Variants in CDH12 observed in about 807,000 individuals in gnomAD.
The protein encoded by CDH12 is cadherin 12, also known as cadherin-12.
In CDH12, 41 loss-of-function variants were observed where a neutral mutation model predicts 74.1. The observed-to-expected ratio is 0.55, with a 90% CI of 0.43 to 0.72. The LOEUF is 0.72. Among genes scored for constraint, CDH12 ranks in the 30% least tolerant of loss-of-function variants. The pLI is 0.00. For synonymous variants in CDH12, 399 were observed against 355.0 expected, an observed-to-expected ratio of 1.12 and a Z score of -1.39; for missense variants, 945 against 977.2, an observed-to-expected ratio of 0.97 and a Z score of 0.44.
At chr5:22,529,682 T>A (rs1737499004) in intron 1 of CDH12, among the ~76,000 whole-genome samples, 1 of 152,212 alleles carries the variant, frequency 6.6e-6, no homozygotes, top group South Asian at 2.1e-4. Context: ...CTGGGCAGCC[T>A]GTGGCCCAGT....
intron 3 of CDH12, among the ~76,000 whole-genome samples, chr5:22,366,223 C>T (rs1741025387): frequency 6.6e-6 from 1 of 152,042 alleles, no homozygotes; most frequent in Non-Finnish European, 1.5e-5. Context: ...TCCCAAAGTG[C>T]TGGGATTAAA....
At position 22,373,656 on chromosome 5, in the gene CDH12, A is replaced by G. The variant is rs1339776171; in HGVS notation, c.-333+31601T>C. ...ACTCATAAATGCTCCCTGAGCAAGC[A>G]AGGAAATAACAGATACAACTGATGC... On this transcript the variant is annotated intron_variant, in intron 3 of 14. Transcript: ENST00000382254. 3.9e-5 allele frequency among the ~76,000 whole-genome samples: 6 copies of G among 152,224 alleles called. No individual in the cohort carries two copies. In the East Asian group the frequency reaches 9.6e-4, roughly 24 times the overall value.
intron 1 of CDH12, among the ~76,000 whole-genome samples, chr5:22,838,187 A>C (rs1736918530): frequency 6.6e-6 from 1 of 152,110 alleles, no homozygotes; most frequent in Non-Finnish European, 1.5e-5. Context: ...TTAAGCACTC[A>C]TCTCTATTTC....
intron 1 of CDH12, among the ~76,000 whole-genome samples, chr5:22,604,728 G>C (rs1158938470): frequency 6.6e-6 from 1 of 152,230 alleles, no homozygotes; most frequent in African/African-American, 2.4e-5. Flanking sequence ...GGAGCCATGT[G>C]GCAGAGAGGT....
intron 2 of CDH12, among the ~76,000 whole-genome samples, chr5:22,469,720 T>A (rs1463078402): frequency 6.6e-6 from 1 of 152,154 alleles, no homozygotes; most frequent in South Asian, 2.1e-4. Context: ...GTGTATATTC[T>A]CCTGTCATAT....
intron 1 of CDH12, among the ~76,000 whole-genome samples, chr5:22,653,537 C>G (rs994883312): frequency 6.6e-6 from 1 of 152,042 alleles, no homozygotes; most frequent in African/African-American, 2.4e-5. Flanking sequence ...TCTGTTGGCT[C>G]TACCTTTATA....
At chr5:22,698,559 A>G (rs2126955192) in intron 1 of CDH12, among the ~76,000 whole-genome samples, 1 of 151,046 alleles carries the variant, frequency 6.6e-6, no homozygotes, top group African/African-American at 2.4e-5. Flanking sequence ...TTTTTCATGA[A>G]TGACTGACAG....
intron 6 of CDH12, among the ~76,000 whole-genome samples, chr5:21,923,384 C>T (rs1293463176): frequency 2.0e-5 from 3 of 151,976 alleles, no homozygotes; most frequent in African/African-American, 7.3e-5. Context: ...TTTTATTGAA[C>T]CCTTGTAAAT....
intron 3 of CDH12, among the ~76,000 whole-genome samples, chr5:22,396,527 G>A (rs1335918852): frequency 6.6e-6 from 1 of 152,128 alleles, no homozygotes; most frequent in African/African-American, 2.4e-5. Context: ...ATTAGCAGGT[G>A]ACTGATAGAA....
intron 3 of CDH12, among the ~76,000 whole-genome samples, chr5:22,223,080 C>T (rs574282634): frequency 2.6e-5 from 4 of 151,968 alleles, no homozygotes; most frequent in East Asian, 3.9e-4. Flanking sequence ...ATTAAGTGGA[C>T]GTCTTAGCTA....
chr5:22,766,371 A>G (rs903507092), intron 1 of CDH12, among the ~76,000 whole-genome samples: 2 of 152,106 alleles, frequency 1.3e-5, no homozygotes, highest in African/African-American at 4.8e-5. Context: ...TGGATAAATA[A>G]GTACCTCAAT....
At chr5:22,235,417 C>T (rs1394087963) in intron 3 of CDH12, among the ~76,000 whole-genome samples, 2 of 151,990 alleles carry the variant, frequency 1.3e-5, no homozygotes, top group Admixed American at 6.6e-5. Flanking sequence ...CCTGTCTCTA[C>T]CAAAACTATA....
chr5:22,707,119 C>A (rs1252825023), intron 1 of CDH12, among the ~76,000 whole-genome samples: 2 of 152,112 alleles, frequency 1.3e-5, no homozygotes, highest in African/African-American at 4.8e-5. Flanking sequence ...CCTAATCACA[C>A]CCCACCCACA....
intron 1 of CDH12, among the ~76,000 whole-genome samples, chr5:22,684,159 T>A (rs1448187386): frequency 6.7e-6 from 1 of 149,218 alleles, no homozygotes; most frequent in South Asian, 2.1e-4. Flanking sequence ...CTTTAAATCA[T>A]TTTTTTTCCT....
chr5:22,224,250 A>G (rs1438333908), intron 3 of CDH12, among the ~76,000 whole-genome samples: 1 of 152,078 alleles, frequency 6.6e-6, no homozygotes, highest in African/African-American at 2.4e-5. Flanking sequence ...CTTTTCAAAG[A>G]GATTTTGCAC....
intron 4 of CDH12, among the ~76,000 whole-genome samples, chr5:22,131,705 A>G (rs1303611855): frequency 6.6e-6 from 1 of 152,184 alleles, no homozygotes; most frequent in Non-Finnish European, 1.5e-5. Context: ...TTTCTGCTAC[A>G]TGAAACCTGA....
In CDH12 at chr5:22,705,011, G is replaced by T. The variant is rs534115835; in HGVS notation, c.-523+148047C>A. Among the ~76,000 whole-genome samples, 10 of 151,590 alleles carry T rather than the reference G, an allele frequency of 6.6e-5. No homozygotes were observed. The South Asian group carries it at 2.1e-3, about 32-fold the overall frequency. ...ATAAATCATCTTTGTATACTGCATG[G>T]ATCTGAATATATATATGCATATATA... On this transcript the variant is annotated intron_variant, in intron 1 of 14. Coordinates refer to ENST00000382254, the MANE Select transcript of CDH12 (RefSeq NM_004061.5).
In CDH12 at chr5:22,075,543, T is replaced by G. The variant is rs115151850; in HGVS notation, c.231+2903A>C. 2.8e-3 allele frequency among the ~76,000 whole-genome samples: 434 copies of G among 152,288 alleles called. 2 individuals carry two copies. Among genetic ancestry groups the G allele is most frequent in the Non-Finnish European group, 4.4e-3 (298 of 68,024 alleles). On this transcript the variant is annotated intron_variant, in intron 5 of 14. Transcript: ENST00000382254. ...CTTCCTCTGATTTTCTTTATGACAT[T>G]TTCTTTTCTCTAGATTCCTTTATTG...
intron 3 of CDH12, among the ~76,000 whole-genome samples, chr5:22,347,541 C>A (rs1484826680): frequency 2.6e-5 from 4 of 152,140 alleles, no homozygotes; most frequent in African/African-American, 9.7e-5. Context: ...TGCTCCTCAG[C>A]CTGCAGATGG....
Sources: gnomAD v4.1 joint callset for allele counts (sites outside exome capture counted in the v4.1 genomes callset) on GRCh38, gnomAD v4.1.1 for gene constraint, MANE v1.5 for transcripts, NCBI Gene and HGNC (gene_info 2026-07-23, HGNC 2026-07-21) for gene names.